Variants in INPP4B observed in about 807,000 individuals in gnomAD.
INPP4B encodes the protein inositol polyphosphate-4-phosphatase type II B, also known as inositol polyphosphate 4-phosphatase type II.
A neutral mutation model predicts 122.5 loss-of-function variants in INPP4B; 55 were observed. The ratio of observed to expected loss-of-function variants is 0.45; its 90% CI spans 0.36 to 0.56. The LOEUF (loss-of-function observed/expected upper bound fraction) is 0.56, where lower values mean the gene tolerates loss of function less well. INPP4B is among the 20% of genes least tolerant of loss of function. INPP4B has a pLI of 0.00. For missense variants in INPP4B, 1,000 were observed against 1,097.7 expected, an observed-to-expected ratio of 0.91 and a Z score of 1.26; for synonymous variants, 403 against 388.7, an observed-to-expected ratio of 1.04 and a Z score of -0.43.
chr4:142,837,636 C>A (rs1782960210), intron 1 of INPP4B, among the ~76,000 whole-genome samples: 1 of 152,054 alleles, frequency 6.6e-6, no homozygotes, highest in Non-Finnish European at 1.5e-5. Context: ...TTGTTACAAT[C>A]ACATTCACCT....
intron 2 of INPP4B, among the ~76,000 whole-genome samples, chr4:142,652,347 C>T (rs895522422): frequency 1.3e-5 from 2 of 152,154 alleles, no homozygotes; most frequent in African/African-American, 4.8e-5. Context: ...TCCTATTCAA[C>T]ATACTGTTAG....
chr4:142,491,370 C>T (rs1159238893), intron 2 of INPP4B, among the ~76,000 whole-genome samples: 1 of 152,118 alleles, frequency 6.6e-6, no homozygotes, highest in African/African-American at 2.4e-5. Flanking sequence ...GCCCAAAACA[C>T]AGGCAACTAA....
At chr4:142,840,727 G>A (rs1485126136) in intron 1 of INPP4B, among the ~76,000 whole-genome samples, 1 of 152,090 alleles carries the variant, frequency 6.6e-6, no homozygotes, top group African/African-American at 2.4e-5. Context: ...CTGCCACCTA[G>A]TGCTAAATGT....
chr4:142,772,038 C>T (rs1374290263), intron 1 of INPP4B, among the ~76,000 whole-genome samples: 1 of 152,038 alleles, frequency 6.6e-6, no homozygotes, highest in Non-Finnish European at 1.5e-5. Flanking sequence ...GTTCTCTGAT[C>T]ATGTTAAGTT....
In INPP4B at chr4:142,145,992, C is replaced by T. The variant is rs770417712; in HGVS notation, c.1568G>A (p.Arg523Lys). The T allele has an allele frequency of 1.2e-6, 2 of 1,610,444 alleles. No homozygotes were observed. The highest frequency in any genetic ancestry group is 8.5e-7 in the Non-Finnish European group (1 of 1,178,106). ...HSDYDEEEWD[R>K]VWANVGKSLN... Reference sequence around the variant, plus strand: ...GCTCTTCCCCACATTGGCCCACACCCTGTCCTGAAAAAAGCATGAGTATCA... The same window carrying T: ...GCTCTTCCCCACATTGGCCCACACCTTGTCCTGAAAAAAGCATGAGTATCA... Residue 523 changes from arginine to lysine, a missense_variant, in exon 18 of 26, where the codon AGG (arginine) becomes AAG (lysine). Arg to Lys is a conservative substitution (Grantham distance 26). Transcript: ENST00000262992.
intron 7 of INPP4B, among the ~76,000 whole-genome samples, chr4:142,374,059 G>A (rs1790930484): frequency 6.6e-6 from 1 of 151,940 alleles, no homozygotes; most frequent in Non-Finnish European, 1.5e-5. Flanking sequence ...TGAACATGCA[G>A]AAAGATTGTT....
At chr4:142,041,582 C>T (rs942496685) in intron 25 of INPP4B, among the ~76,000 whole-genome samples, 2 of 152,110 alleles carry the variant, frequency 1.3e-5, no homozygotes, top group Non-Finnish European at 2.9e-5. Context: ...CAGGTCATTG[C>T]ACTCCAGCCT....
intron 7 of INPP4B, among the ~76,000 whole-genome samples, chr4:142,322,456 A>G (rs1012157488): frequency 7.2e-5 from 11 of 152,316 alleles, no homozygotes; most frequent in African/African-American, 2.6e-4. Context: ...AAAATTAATG[A>G]AAGGAGTGGC....
intron 1 of INPP4B, among the ~76,000 whole-genome samples, chr4:142,839,277 G>C (rs1783185990): frequency 6.6e-6 from 1 of 152,114 alleles, no homozygotes. Context: ...GGCCAACATA[G>C]TAAAACCTCA....
intron 15 of INPP4B, among the ~76,000 whole-genome samples, chr4:142,176,592 TC>T (rs1249412900): frequency 1.4e-4 from 21 of 152,314 alleles, no homozygotes; most frequent in African/African-American, 4.3e-4. Context: ...CTGCACATGT[TC>T]TTTATTCATG....
intron 2 of INPP4B, among the ~76,000 whole-genome samples, chr4:142,492,257 G>T (rs1009431842): frequency 3.9e-5 from 6 of 152,044 alleles, no homozygotes; most frequent in Non-Finnish European, 7.4e-5. Context: ...ACCCATTCTT[G>T]GGTATGTCTT....
rs115172289 is a variant in INPP4B at position 142,841,047 on chromosome 4, A to C, written c.-254+5162T>G. Among the ~76,000 whole-genome samples the C allele has an allele frequency of 5.2e-3, 794 of 152,176 alleles. 5 individuals carry two copies. Among genetic ancestry groups the C allele is most frequent in the African/African-American group, 0.018 (747 of 41,584 alleles). The stretch of plus-strand genomic sequence containing the variant: ...AGACAAGAAATTTTTACTTTTTTAA[A>C]AAAAAGTGATTTTTAACTACTGCGC... On this transcript the variant is annotated intron_variant, in intron 1 of 25. Coordinates refer to ENST00000262992, the MANE Select transcript of INPP4B (RefSeq NM_001101669.3).
At chr4:142,088,809 C>T (rs1253362012) in intron 23 of INPP4B, among the ~76,000 whole-genome samples, 2 of 152,132 alleles carry the variant, frequency 1.3e-5, no homozygotes, top group African/African-American at 2.4e-5. Context: ...AACCTAAATT[C>T]TTACGATATA....
chr4:142,118,213 A>G (rs1420560378), intron 21 of INPP4B, among the ~76,000 whole-genome samples: 1 of 152,198 alleles, frequency 6.6e-6, no homozygotes, highest in Non-Finnish European at 1.5e-5. Context: ...AAATGGCCAT[A>G]CTGCCCAAGG....
intron 2 of INPP4B, among the ~76,000 whole-genome samples, chr4:142,614,949 T>C (rs1743379952): frequency 6.6e-6 from 1 of 152,160 alleles, no homozygotes; most frequent in Non-Finnish European, 1.5e-5. Flanking sequence ...GGTGGAAATC[T>C]AAATTAGTAC....
At chr4:142,206,643 T>C (rs1207902068) in intron 14 of INPP4B, among the ~76,000 whole-genome samples, 1 of 152,070 alleles carries the variant, frequency 6.6e-6, no homozygotes, top group African/African-American at 2.4e-5. Flanking sequence ...ATGATTGACA[T>C]ATAAAAAGCT....
At chr4:142,279,137 A>C (rs1290350297) in intron 9 of INPP4B, among the ~76,000 whole-genome samples, 11 of 151,998 alleles carry the variant, frequency 7.2e-5, no homozygotes, top group Admixed American at 7.2e-4. Flanking sequence ...AATACTAATA[A>C]AAAATTCAAA....
At chr4:142,493,959 A>T (rs1358768523) in intron 2 of INPP4B, among the ~76,000 whole-genome samples, 1 of 152,126 alleles carries the variant, frequency 6.6e-6, no homozygotes, top group South Asian at 2.1e-4. Flanking sequence ...GGAACTGGTG[A>T]GAGATAATCG....
At chr4:142,115,191 T>C (rs1792452844) in intron 21 of INPP4B, among the ~76,000 whole-genome samples, 1 of 152,172 alleles carries the variant, frequency 6.6e-6, no homozygotes, top group African/African-American at 2.4e-5. Context: ...CTGATTGGTT[T>C]ACCTGAAAGT....
Sources: gnomAD v4.1 joint callset for allele counts (sites outside exome capture counted in the v4.1 genomes callset) on GRCh38, gnomAD v4.1.1 for gene constraint, MANE v1.5 for transcripts, NCBI Gene and HGNC (gene_info 2026-07-23, HGNC 2026-07-21) for gene names.